EXOC4: variants seen among roughly 807,000 people sequenced by gnomAD.
EXOC4 encodes the protein exocyst complex component 4.
In EXOC4, 71 loss-of-function variants were observed where a neutral mutation model predicts 107.2. The observed-to-expected ratio is 0.66, with a 90% CI of 0.55 to 0.81. The LOEUF (loss-of-function observed/expected upper bound fraction) is 0.81, where lower values mean the gene tolerates loss of function less well. EXOC4 is among the 30% of genes least tolerant of loss of function. The probability of loss-of-function intolerance (pLI) is 0.00; values close to 1 mark genes in which losing one functional copy is unlikely to be tolerated. For synonymous variants in EXOC4, 456 were observed against 441.2 expected (o/e 1.03, Z -0.42); for missense variants, 1,108 against 1,189.6 (o/e 0.93, Z 1.01).
At chr7:133,727,794 G>T (rs1795246784) in intron 10 of EXOC4, 1 of 152,230 alleles carries the variant, frequency 6.6e-6, no homozygotes. Context: ...AAACAAGTGT[G>T]TGCAAGGAAA....
At chr7:133,807,850 A>G (rs770903831) in intron 10 of EXOC4, among the ~76,000 whole-genome samples, 11 of 152,180 alleles carry the variant, frequency 7.2e-5, no homozygotes, top group South Asian at 2.1e-4. Flanking sequence ...GGCTTACTTC[A>G]TTTTACCTAA....
intron 10 of EXOC4, among the ~76,000 whole-genome samples, chr7:133,720,502 G>C (rs981129272): frequency 6.6e-6 from 1 of 151,992 alleles, no homozygotes; most frequent in African/African-American, 2.4e-5. Context: ...TCTTATTTTG[G>C]GGGTATTTTA....
the EXOC4 span, among the ~76,000 whole-genome samples, chr7:134,086,691 T>G: frequency 1.3e-5 from 2 of 152,002 alleles, no homozygotes; most frequent in Non-Finnish European, 2.9e-5. Context: ...TCTTGGGTCT[T>G]GGGCAAGAAA....
chr7:133,524,061 CA>C (rs1433399469), intron 9 of EXOC4, among the ~76,000 whole-genome samples: 11 of 146,602 alleles, frequency 7.5e-5, no homozygotes, highest in Non-Finnish European at 1.6e-4. Flanking sequence ...GTCCCACCAA[CA>C]GTGTAAAAGT....
chr7:134,007,571 A>G, intron 16 of EXOC4, 105 bp from the exon 17 acceptor site: 1 of 1,051,838 alleles, frequency 9.5e-7, no homozygotes, highest in Non-Finnish European at 1.3e-6. Context: ...TGGTCGTTTA[A>G]ATGTATAGAG....
At chr7:133,823,428 A>G (rs553153835) in intron 11 of EXOC4, among the ~76,000 whole-genome samples, 1 of 152,216 alleles carries the variant, frequency 6.6e-6, no homozygotes, top group East Asian at 1.9e-4. Context: ...TGATGCCCAG[A>G]TGATCCCAAC....
intron 2 of EXOC4, among the ~76,000 whole-genome samples, chr7:133,288,314 C>T (rs1208113263): frequency 6.6e-6 from 1 of 152,160 alleles, no homozygotes; most frequent in Non-Finnish European, 1.5e-5. Context: ...TGCAGATCTA[C>T]AGGTGGTGGA....
intron 11 of EXOC4, among the ~76,000 whole-genome samples, chr7:133,834,609 G>A (rs1052190602): frequency 7.9e-5 from 12 of 152,324 alleles, no homozygotes; most frequent in Admixed American, 2.6e-4. Flanking sequence ...GATTTTGAGC[G>A]TTATTCCTAA....
intron 10 of EXOC4, among the ~76,000 whole-genome samples, chr7:133,718,367 A>G (rs1479183159): frequency 6.6e-6 from 1 of 152,154 alleles, no homozygotes; most frequent in Non-Finnish European, 1.5e-5. Flanking sequence ...GTTGTCTGAG[A>G]ATGTCAGCTG....
intron 5 of EXOC4, among the ~76,000 whole-genome samples, chr7:133,352,408 A>G (rs1013506807): frequency 2.6e-5 from 4 of 151,998 alleles, no homozygotes; most frequent in African/African-American, 9.7e-5. Flanking sequence ...TTATTAATAT[A>G]TAATGTCCTT....
intron 10 of EXOC4, among the ~76,000 whole-genome samples, chr7:133,714,205 A>T (rs1055394329): frequency 6.6e-6 from 1 of 152,218 alleles, no homozygotes; most frequent in Non-Finnish European, 1.5e-5. Flanking sequence ...GGACTAGGCA[A>T]GAGCCAAGGG....
intron 14 of EXOC4, among the ~76,000 whole-genome samples, chr7:133,984,191 C>T (rs1794062133): frequency 6.6e-6 from 1 of 152,164 alleles, no homozygotes; most frequent in African/African-American, 2.4e-5. Flanking sequence ...TCCTGAGTAA[C>T]CAGATGCAAT....
At chr7:133,596,872 A>C (rs1300875671) in intron 9 of EXOC4, among the ~76,000 whole-genome samples, 1 of 152,158 alleles carries the variant, frequency 6.6e-6, no homozygotes, top group Non-Finnish European at 1.5e-5. Context: ...TGAATTGTAG[A>C]CCTTGCTTGT....
chr7:133,256,444 G>A (rs1244877148), intron 1 of EXOC4, among the ~76,000 whole-genome samples: 2 of 152,224 alleles, frequency 1.3e-5, no homozygotes, highest in African/African-American at 2.4e-5. Flanking sequence ...TAAGGTCTGA[G>A]CATTCCTAAC....
chr7:133,966,392 C>G (rs1246124327), intron 14 of EXOC4, among the ~76,000 whole-genome samples: 1 of 152,152 alleles, frequency 6.6e-6, no homozygotes, highest in Non-Finnish European at 1.5e-5. Context: ...AGAGGGCATC[C>G]TTGTCTTGTG....
At chr7:133,917,318 G>C (rs1469052318) in intron 12 of EXOC4, among the ~76,000 whole-genome samples, 1 of 152,082 alleles carries the variant, frequency 6.6e-6, no homozygotes, top group African/African-American at 2.4e-5. Context: ...TATCCTAAGG[G>C]ATCAAATATG....
intron 10 of EXOC4, among the ~76,000 whole-genome samples, chr7:133,737,253 A>G (rs1229626361): frequency 6.6e-6 from 1 of 152,190 alleles, no homozygotes; most frequent in Non-Finnish European, 1.5e-5. Context: ...ATTGACTGTA[A>G]TTGAATCCAA....
At chr7:133,885,444 A>G (rs1043371211) in intron 11 of EXOC4, among the ~76,000 whole-genome samples, 2 of 152,176 alleles carry the variant, frequency 1.3e-5, no homozygotes, top group African/African-American at 4.8e-5. Flanking sequence ...TGTGCTGTGC[A>G]TGTGCATTAA....
intron 17 of EXOC4, among the ~76,000 whole-genome samples, chr7:134,014,546 A>C (rs1794854728): frequency 6.6e-6 from 1 of 152,200 alleles, no homozygotes; most frequent in Non-Finnish European, 1.5e-5. Context: ...GAAGCTAGTA[A>C]CAAAAAGCTA....
Sources: gnomAD v4.1 joint callset for allele counts (sites outside exome capture counted in the v4.1 genomes callset) on GRCh38, gnomAD v4.1.1 for gene constraint, MANE v1.5 for transcripts, NCBI Gene and HGNC (gene_info 2026-07-23, HGNC 2026-07-21) for gene names.